STAG3: variants seen among roughly 807,000 people sequenced by gnomAD.
STAG3 encodes the protein cohesin subunit SA-3.
STAG3 carries 101 observed loss-of-function variants against 160.7 expected under a neutral mutation model. That is an observed-to-expected ratio of 0.63 (90% CI 0.54 to 0.74). The LOEUF is 0.74. Ranked by LOEUF, STAG3 falls within the 30% of genes least tolerant of loss-of-function variation. STAG3 has a pLI of 0.00. For synonymous variants in STAG3, 519 were observed against 585.0 expected (o/e 0.89, Z 1.63); for missense variants, 1,188 against 1,517.4 (o/e 0.78, Z 3.61).
chr7:100,195,399 C>G lies in STAG3; in HGVS notation c.941+17C>G. The G allele has an allele frequency of 6.2e-7, 1 of 1,610,668 alleles. No individual in the cohort carries two copies. Among genetic ancestry groups the G allele is most frequent in the Non-Finnish European group, 8.5e-7 (1 of 1,178,116 alleles). ...TCGGTACAGGTGAGCTAATGGGCCTCTCTCATTGAAGCAGCTGGCCTTTGG... is the reference window on the plus strand; with the variant it reads ...TCGGTACAGGTGAGCTAATGGGCCTGTCTCATTGAAGCAGCTGGCCTTTGG... On this transcript the variant is annotated intron_variant, in intron 9 of 33. Transcript: ENST00000615138.
At position 100,184,593 on chromosome 7, in the gene STAG3, G is replaced by A. The variant is rs532515845; in HGVS notation, c.337-1607G>A. ...CATGATTCTCCTGCCTCAGCCTCCC[G>A]AGTAGCTGGGATTACAGATGCATGC... On this transcript the variant is annotated intron_variant, in intron 4 of 33. Transcript: ENST00000615138. Among the ~76,000 whole-genome samples, 157 of 147,074 alleles carry A rather than the reference G, an allele frequency of 1.1e-3. 4 individuals carry two copies. In the Admixed American group the frequency reaches 0.011, roughly 10 times the overall value.
At position 100,188,801 on chromosome 7, in the gene STAG3, T is replaced by C; in HGVS notation, c.511-11T>C. 6.2e-7 allele frequency: 1 copy of C among 1,614,004 alleles called. No homozygotes were observed. The highest frequency in any genetic ancestry group is 8.5e-7 in the Non-Finnish European group (1 of 1,179,892). ...ATAACTTTCCCATCCTTTTCATACATCCTTTTGTAGGACTCGGGGGACTAC... is the reference window on the plus strand; with the variant it reads ...ATAACTTTCCCATCCTTTTCATACACCCTTTTGTAGGACTCGGGGGACTAC... On this transcript the variant is annotated splice_polypyrimidine_tract_variant and intron_variant, in intron 6 of 33. Transcript: ENST00000615138.
rs200131656 is a variant in STAG3 at position 100,197,249 on chromosome 7, A to G, written c.1035A>G (p.Leu345=). 1,811 of 1,606,776 alleles carry G rather than the reference A, an allele frequency of 1.1e-3. 46 individuals are homozygous for G. In the East Asian group the frequency reaches 0.036, roughly 32 times the overall value. The change falls in exon 10 of 34, where the codon TTA becomes TTG. Residue 345 remains leucine (L), a synonymous_variant. Transcript: ENST00000615138. ...YSTSFLTDSY[L]KYIGWTLHDK... is the part of the protein sequence containing the mutation. ...CGTCTTTCCTCACCGACAGCTATTT[A>G]AAATATATTGGTTGGACTCTGCATG...
At chr7:100,185,130 C>T (rs7788301) in intron 4 of STAG3, among the ~76,000 whole-genome samples, 1 of 151,840 alleles carries the variant, frequency 6.6e-6, no homozygotes, top group Non-Finnish European at 1.5e-5. Context: ...GTTTGACCTC[C>T]CTCAGTGGCG....
Position 100,195,809 on chromosome 7 carries a change from T to C in STAG3, c.941+427T>C, listed in dbSNP as rs535050050. ...AAGGGCAGGGGAGTTTTATACTGTTTAATGACCTGATCAAATTAAGTTAAA... is the reference window on the plus strand; with the variant it reads ...AAGGGCAGGGGAGTTTTATACTGTTCAATGACCTGATCAAATTAAGTTAAA... On this transcript the variant is annotated intron_variant, in intron 9 of 33. Coordinates refer to ENST00000615138, the MANE Select transcript of STAG3 (RefSeq NM_001282717.2). Among the ~76,000 whole-genome samples, 206 of 152,282 alleles carry C rather than the reference T, an allele frequency of 1.4e-3. 5 individuals carry two copies. The highest frequency in any genetic ancestry group is 0.013 in the Admixed American group (200 of 15,288).
At position 100,192,273 on chromosome 7, in the gene STAG3, C is replaced by G. The variant is rs1407421935; in HGVS notation, c.867+2677C>G. Among the ~76,000 whole-genome samples the G allele has an allele frequency of 3.3e-5, 5 of 152,292 alleles. No individual in the cohort carries two copies. In the East Asian group the frequency reaches 9.6e-4, roughly 29 times the overall value. ...GGCACAGTGGCTCACACCTGTAATC[C>G]CAGCACTTTGGGAGGCTGAGGCAGG... is the stretch of plus-strand genomic sequence containing the variant. On this transcript the variant is annotated intron_variant, in intron 8 of 33. Transcript: ENST00000615138.
chr7:100,206,760 G>A (rs1237372453), intron 29 of STAG3, among the ~76,000 whole-genome samples: 2 of 152,042 alleles, frequency 1.3e-5, no homozygotes, highest in South Asian at 2.1e-4. Flanking sequence ...GTGAGCCCCC[G>A]TGCCCAGCCA....
At chr7:100,213,710 T>C (rs1563014156) in intron 32 of STAG3, 25 bp from the exon 33 acceptor site, 1 of 1,614,120 alleles carries the variant, frequency 6.2e-7, no homozygotes, top group East Asian at 2.2e-5. Flanking sequence ...AAGGCCTTTT[T>C]GACTTTTAAC....
At chr7:100,187,759 CTTT>C (rs57544965) in intron 5 of STAG3, among the ~76,000 whole-genome samples, 6 of 136,744 alleles carry the variant, frequency 4.4e-5, no homozygotes, top group Admixed American at 1.5e-4. Context: ...CCTGCATCAT[CTTT>C]TTTTTTTTTT....
Position 100,188,971 on chromosome 7 carries a change from TC to T in STAG3, c.671del (p.Ser224Ter). 1 of 1,614,230 alleles carries T rather than the reference TC, an allele frequency of 6.2e-7. No homozygotes were observed. Among genetic ancestry groups the T allele is most frequent in the Non-Finnish European group, 8.5e-7 (1 of 1,180,038 alleles). ...CCTCATCTCCCTGCTCACTGGCCTC[TC>T]AGACTCACAAGTCCGCGCCTTCCGT... is the stretch of plus-strand genomic sequence containing the variant. ...DDLISLLTGLSDSQVRAFRHT... is the reference protein window; with the variant it reads ...DDLISLLTGLXDSQVRAFRHT... On this transcript the variant is annotated frameshift_variant, in exon 7 of 34. Transcript: ENST00000615138. LOFTEE classifies it high-confidence loss of function.
At position 100,201,973 on chromosome 7, in the gene STAG3, A is replaced by G; in HGVS notation, c.2326A>G (p.Arg776Gly). ...GAAGCAGCTGTCGAGTTTGAGGGAC[A>G]GAATGGTGGCCTTCTGTGAACTCTG... The part of the protein sequence containing the change: ...SQKQLSSLRD[R>G]MVAFCELCQS... Residue 776 changes from arginine to glycine, a missense_variant, in exon 23 of 34, where the codon AGA becomes GGA. This residue lies in a region of STAG3 where 647 missense variants were observed against 717.2 expected (regional missense o/e 0.90). Transcript: ENST00000615138. The G allele has an allele frequency of 6.2e-7, 1 of 1,614,220 alleles. No homozygotes were observed. The highest frequency in any genetic ancestry group is 8.5e-7 in the Non-Finnish European group (1 of 1,180,040).
Position 100,201,351 on chromosome 7 carries a change from G to C in STAG3, c.2220G>C (p.Gln740His), listed in dbSNP as rs1365975524. The change falls in exon 21 of 34, where the codon CAG becomes CAC. Residue 740 changes from glutamine (Q) to histidine (H), a missense_variant and splice_region_variant. Coordinates refer to ENST00000615138, the MANE Select transcript of STAG3 (RefSeq NM_001282717.2). ...KAVDTGEVPHQVILPALTLVY... is the reference protein window; with the variant it reads ...KAVDTGEVPHHVILPALTLVY... ...TGGACACAGGAGAGGTTCCTCACCA[G>C]GTGAGTGGACAGGCTAGAGATGGGT... 6.2e-7 allele frequency: 1 copy of C among 1,614,074 alleles called. No homozygotes were observed. The highest frequency in any genetic ancestry group is 1.7e-5 in the Admixed American group (1 of 60,030).
chr7:100,202,274 C>T lies in STAG3; in HGVS notation c.2497C>T (p.Leu833Phe), dbSNP rs376292799. The T allele has an allele frequency of 3.7e-6, 6 of 1,614,182 alleles. No homozygotes were observed. Among genetic ancestry groups the T allele is most frequent in the Non-Finnish European group, 5.1e-6 (6 of 1,180,042 alleles). ...ACTTGTCTTTTTTCCTGAAGCTACTCTCCAGTCTGAGCTAGCCAGCTTCCT... is the reference window on the plus strand; with the variant it reads ...ACTTGTCTTTTTTCCTGAAGCTACTTTCCAGTCTGAGCTAGCCAGCTTCCT... ...RPLVFFPEATLQSELASFLMD... is the reference protein window; with the variant it reads ...RPLVFFPEATFQSELASFLMD... Residue 833 changes from leucine to phenylalanine, a missense_variant, in exon 24 of 34, where the codon CTC becomes TTC. Transcript: ENST00000615138.
intron 16 of STAG3, 56 bp downstream of exon 16, chr7:100,199,700 GTGCATCCTTATCCCC>G (rs1800948372): frequency 4.5e-6 from 6 of 1,328,492 alleles, no homozygotes; most frequent in Middle Eastern, 1.9e-4. Flanking sequence ...GACAGGCAAT[GTGCATCCTTATCCCC>G]CAGGCTGGGG....
rs1801528473 is a variant in STAG3 at position 100,205,207 on chromosome 7, T to A, written c.3081-20T>A. 4 of 1,613,358 alleles carry A rather than the reference T, an allele frequency of 2.5e-6. No homozygotes were observed. The South Asian group carries it at 4.4e-5, about 18-fold the overall frequency. On this transcript the variant is annotated intron_variant, in intron 28 of 33. Transcript: ENST00000615138. ...GGGCCCAGTAGCCCCTTCAGGCTTT[T>A]GGTTCTACCTCTTTCATAGACTGTC...
intron 25 of STAG3, among the ~76,000 whole-genome samples, chr7:100,203,796 G>T (rs976199412): frequency 2.0e-5 from 3 of 152,188 alleles, no homozygotes; most frequent in African/African-American, 4.8e-5. Context: ...TTACAGGTGT[G>T]AGCCACTGCA....
At chr7:100,193,351 GA>G (rs1454836452) in intron 8 of STAG3, among the ~76,000 whole-genome samples, 1 of 152,200 alleles carries the variant, frequency 6.6e-6, no homozygotes, top group East Asian at 1.9e-4. Context: ...CCCTAACGAG[GA>G]GTCAGGCTGT....
At chr7:100,208,416 G>A (rs1296303126) in intron 29 of STAG3, among the ~76,000 whole-genome samples, 4 of 152,216 alleles carry the variant, frequency 2.6e-5, no homozygotes, top group Non-Finnish European at 4.4e-5. Flanking sequence ...CTCGAATTAT[G>A]AACAATTGCC....
chr7:100,188,919 C>A lies in STAG3; in HGVS notation c.618C>A (p.Leu206=). The A allele has an allele frequency of 6.2e-7, 1 of 1,614,190 alleles. No individual in the cohort carries two copies. The highest frequency in any genetic ancestry group is 8.5e-7 in the Non-Finnish European group (1 of 1,180,026). The change falls in exon 7 of 34, where the codon CTC becomes CTA. Residue 206 remains leucine (L), a synonymous_variant. Transcript: ENST00000615138. ...RTLVCQCQYS[L]LYDGFPMDDL... is the part of the protein sequence containing the mutation. ...TGGTCTGTCAGTGCCAGTACAGCCT[C>A]CTCTATGATGGCTTCCCTATGGACG...
Sources: gnomAD v4.1 joint callset for allele counts (sites outside exome capture counted in the v4.1 genomes callset) on GRCh38, gnomAD v4.1.1 for gene constraint, gnomAD v4.1.1 regional missense constraint, MANE v1.5 for transcripts, NCBI Gene and HGNC (gene_info 2026-07-23, HGNC 2026-07-21) for gene names.